Variants in CHN1 observed in about 807,000 individuals in gnomAD.
CHN1 encodes the protein N-chimaerin.
A neutral mutation model predicts 59.5 loss-of-function variants in CHN1; 37 were observed. The observed-to-expected ratio is 0.62, with a 90% CI of 0.48 to 0.82. CHN1 has a LOEUF of 0.82. Ranked by LOEUF, CHN1 falls within the 40% of genes least tolerant of loss-of-function variation. The pLI, the probability that CHN1 is intolerant of heterozygous loss-of-function variation, is 0.00. For synonymous variants in CHN1, 206 were observed against 200.4 expected (o/e 1.03, Z -0.24); for missense variants, 469 against 571.0 (o/e 0.82, Z 1.82).
At chr2:174,979,665 G>A (rs1435474322) in intron 1 of CHN1, among the ~76,000 whole-genome samples, 1 of 152,054 alleles carries the variant, frequency 6.6e-6, no homozygotes, top group African/African-American at 2.4e-5. Context: ...GGTGGATCAT[G>A]AGGTCAAGAG....
chr2:174,996,295 A>G (rs1180401572), intron 1 of CHN1, among the ~76,000 whole-genome samples: 1 of 152,230 alleles, frequency 6.6e-6, no homozygotes, highest in Non-Finnish European at 1.5e-5. Context: ...GCAATGGCAC[A>G]TGGCACTTAT....
chr2:174,954,510 C>T (rs763317518), intron 1 of CHN1, among the ~76,000 whole-genome samples: 81 of 152,048 alleles, frequency 5.3e-4, no homozygotes, highest in Non-Finnish European at 1.0e-3. Context: ...AACAGACAAC[C>T]CACAGAATAG....
chr2:174,902,398 C>T (rs3771912), intron 5 of CHN1, among the ~76,000 whole-genome samples: 47,666 of 151,904 alleles, frequency 0.31, 8,675 homozygotes, highest in Admixed American at 0.45. Flanking sequence ...TTTTAAAAAG[C>T]TTTTTAGCAC....
intron 3 of CHN1, among the ~76,000 whole-genome samples, chr2:174,939,805 A>G (rs1283702377): frequency 6.6e-6 from 1 of 152,162 alleles, no homozygotes; most frequent in Non-Finnish European, 1.5e-5. Flanking sequence ...ACTTAATTCT[A>G]TGCTTACATA....
chr2:174,987,462 C>A (rs1691387037), intron 1 of CHN1, among the ~76,000 whole-genome samples: 1 of 149,928 alleles, frequency 6.7e-6, no homozygotes. Flanking sequence ...GGCTGGAGTA[C>A]AGTGGCGCAA....
At chr2:174,921,617 A>G (rs1035541747) in intron 3 of CHN1, among the ~76,000 whole-genome samples, 6 of 152,110 alleles carry the variant, frequency 3.9e-5, no homozygotes, top group Non-Finnish European at 8.8e-5. Flanking sequence ...GGTAATTTAT[A>G]AAGGAAAGAG....
At chr2:174,902,252 T>G (rs2105357497) in intron 5 of CHN1, among the ~76,000 whole-genome samples, 1 of 152,294 alleles carries the variant, frequency 6.6e-6, no homozygotes, top group Middle Eastern at 3.4e-3. Context: ...ACACATCAAT[T>G]TTTTCAAGTA....
chr2:174,967,741 G>C (rs1032017719), intron 1 of CHN1, among the ~76,000 whole-genome samples: 1 of 152,092 alleles, frequency 6.6e-6, no homozygotes, highest in Non-Finnish European at 1.5e-5. Flanking sequence ...ACCTCCTTCA[G>C]CAGACCCACT....
At chr2:174,842,237 A>G (rs775162228) in intron 7 of CHN1, among the ~76,000 whole-genome samples, 11 of 152,162 alleles carry the variant, frequency 7.2e-5, no homozygotes, top group Admixed American at 7.2e-4. Context: ...GAATGGAGGG[A>G]GGCAAGGTGG....
intron 1 of CHN1, among the ~76,000 whole-genome samples, chr2:174,984,834 C>T (rs1414013361): frequency 6.6e-6 from 1 of 152,198 alleles, no homozygotes; most frequent in African/African-American, 2.4e-5. Context: ...GCAAGCTTAG[C>T]AGCCAGTACA....
At chr2:174,960,193 C>CA (rs1690353502) in intron 1 of CHN1, among the ~76,000 whole-genome samples, 1 of 152,106 alleles carries the variant, frequency 6.6e-6, no homozygotes, top group Non-Finnish European at 1.5e-5. Flanking sequence ...TTAGACCCAG[C>CA]AGTTCTATTT....
intron 8 of CHN1, among the ~76,000 whole-genome samples, chr2:174,813,689 C>T (rs1457390494): frequency 6.6e-6 from 1 of 151,962 alleles, no homozygotes; most frequent in Admixed American, 6.6e-5. Context: ...AAAAAATAAC[C>T]CATTTGTTTT....
chr2:174,877,859 T>A lies in CHN1; in HGVS notation c.530A>T (p.Asp177Val). The change falls in exon 6 of 13, where the codon GAT (aspartate) becomes GTT (valine). Residue 177 changes from aspartate (D) to valine (V), a missense_variant. By Grantham distance (152) the Asp-to-Val change is radical. Transcript: ENST00000409900. ...GCTTACCCTTTTCTCTGACACCCCATCCTGGCCTGTAGAATCTCTCTCATC... is the reference window on the plus strand; with the variant it reads ...GCTTACCCTTTTCTCTGACACCCCAACCTGGCCTGTAGAATCTCTCTCATC... ...THDERDSTGQ[D>V]GVSEKRLTSL... 1 of 1,613,386 alleles carries A rather than the reference T, an allele frequency of 6.2e-7. No individual in the cohort carries two copies. Among genetic ancestry groups the A allele is most frequent in the Non-Finnish European group, 8.5e-7 (1 of 1,179,516 alleles).
chr2:174,881,234 C>G (rs1687724139), intron 5 of CHN1, among the ~76,000 whole-genome samples: 1 of 152,118 alleles, frequency 6.6e-6, no homozygotes, highest in South Asian at 2.1e-4. Flanking sequence ...ATTAGGCTTA[C>G]ATAAGATCTC....
intron 10 of CHN1, 100 bp downstream of exon 10, chr2:174,811,409 AAT>A: frequency 1.4e-6 from 1 of 708,910 alleles, no homozygotes. Context: ...AATAATCATC[AAT>A]GATTTAGAAA....
chr2:174,974,548 C>T (rs1226468524), intron 1 of CHN1, among the ~76,000 whole-genome samples: 7 of 151,906 alleles, frequency 4.6e-5, no homozygotes, highest in Non-Finnish European at 7.4e-5. Context: ...CATAATATAA[C>T]AAAAAAATGA....
chr2:174,967,282 G>T (rs1690621080), intron 1 of CHN1, among the ~76,000 whole-genome samples: 1 of 152,100 alleles, frequency 6.6e-6, no homozygotes, highest in Admixed American at 6.6e-5. Flanking sequence ...CTCGAGCCAG[G>T]AAGGTCGAGA....
chr2:174,930,024 T>G (rs1250707692), intron 3 of CHN1, among the ~76,000 whole-genome samples: 1 of 152,236 alleles, frequency 6.6e-6, no homozygotes, highest in African/African-American at 2.4e-5. Flanking sequence ...TGGTCATGGA[T>G]GCGTATAGTT....
intron 1 of CHN1, among the ~76,000 whole-genome samples, chr2:174,968,903 AT>A (rs1334858820): frequency 6.6e-6 from 1 of 152,230 alleles, no homozygotes; most frequent in East Asian, 1.9e-4. Context: ...TTTATAACTC[AT>A]TTGGTACCAA....
Sources: gnomAD v4.1 joint callset for allele counts (sites outside exome capture counted in the v4.1 genomes callset) on GRCh38, gnomAD v4.1.1 for gene constraint, MANE v1.5 for transcripts, NCBI Gene and HGNC (gene_info 2026-07-23, HGNC 2026-07-21) for gene names.